Variants in EXT2 observed in about 807,000 individuals in gnomAD.
EXT2 encodes the protein exostosin-2.
In EXT2, 53 loss-of-function variants were observed where a neutral mutation model predicts 81.6. The ratio of observed to expected loss-of-function variants is 0.65; its 90% CI spans 0.52 to 0.82. EXT2 has a LOEUF of 0.82. Ranked by LOEUF, EXT2 falls within the 40% of genes least tolerant of loss-of-function variation. The pLI, the probability that EXT2 is intolerant of heterozygous loss-of-function variation, is 0.00. For missense variants in EXT2, 774 were observed against 910.2 expected (o/e 0.85, Z 1.93); for synonymous variants, 320 against 340.0 (o/e 0.94, Z 0.65).
chr11:44,172,265 G>C (rs1383820996), intron 8 of EXT2, among the ~76,000 whole-genome samples: 3 of 152,204 alleles, frequency 2.0e-5, no homozygotes, highest in Non-Finnish European at 2.9e-5. Context: ...GAGGCTTCTA[G>C]CTACTTCCAG....
At chr11:44,118,229 C>T (rs932402916) in intron 4 of EXT2, among the ~76,000 whole-genome samples, 3 of 152,010 alleles carry the variant, frequency 2.0e-5, no homozygotes, top group Non-Finnish European at 2.9e-5. Context: ...GAGTTAATTA[C>T]GGGTTTGCTG....
intron 10 of EXT2, among the ~76,000 whole-genome samples, chr11:44,218,793 C>CTTTTTTTTT (rs11368525): frequency 5.4e-5 from 5 of 92,294 alleles, no homozygotes; most frequent in Non-Finnish European, 7.7e-5. Flanking sequence ...ATCTGCAATT[C>CTTTTTTTTT]TTTTTTTTTT....
At chr11:44,163,726 G>A (rs557255827) in intron 7 of EXT2, among the ~76,000 whole-genome samples, 6 of 152,222 alleles carry the variant, frequency 3.9e-5, no homozygotes, top group Admixed American at 2.0e-4. Flanking sequence ...CCTGTAGCTC[G>A]GATCTCTTGA....
chr11:44,102,988 G>T (rs1420729927), intron 1 of EXT2, among the ~76,000 whole-genome samples: 1 of 151,992 alleles, frequency 6.6e-6, no homozygotes, highest in Non-Finnish European at 1.5e-5. Flanking sequence ...CTTCAGGCTT[G>T]CAGCTTGTCT....
intron 7 of EXT2, among the ~76,000 whole-genome samples, chr11:44,141,048 C>T (rs1472023339): frequency 6.6e-6 from 1 of 152,140 alleles, no homozygotes; most frequent in African/African-American, 2.4e-5. Context: ...GGGAAGAGTA[C>T]AGTCATCCCT....
At chr11:44,101,736 C>T (rs1953985379) in intron 1 of EXT2, among the ~76,000 whole-genome samples, 1 of 152,056 alleles carries the variant, frequency 6.6e-6, no homozygotes, top group South Asian at 2.1e-4. Context: ...AACTAGGTTC[C>T]CAAGTATCAA....
At chr11:44,156,368 C>T (rs568196810) in intron 7 of EXT2, among the ~76,000 whole-genome samples, 19 of 152,242 alleles carry the variant, frequency 1.2e-4, no homozygotes, top group South Asian at 4.2e-4. Context: ...CTCTTAGATT[C>T]GCCCTTTTGA....
Position 44,249,452 on chromosome 11 carries a change from G to A in EXT2, c.*5165G>A, listed in dbSNP as rs1277944286. On this transcript the variant is annotated 3_prime_UTR_variant, in exon 14 of 14. Transcript: ENST00000533608. Reference sequence around the variant, plus strand: ...GCTGTGTCTGCTAGAGGCTTCCTCAGCAAAGCCCCATCTTGTGGACAACCT... The same window carrying A: ...GCTGTGTCTGCTAGAGGCTTCCTCAACAAAGCCCCATCTTGTGGACAACCT... Among the ~76,000 whole-genome samples, 1 of 152,224 alleles carries A rather than the reference G, an allele frequency of 6.6e-6. No individual in the cohort carries two copies. Among genetic ancestry groups the A allele is most frequent in the Admixed American group, 6.5e-5 (1 of 15,286 alleles).
chr11:44,195,988 T>C (rs575078454), intron 8 of EXT2, among the ~76,000 whole-genome samples: 2 of 152,324 alleles, frequency 1.3e-5, no homozygotes, highest in East Asian at 3.9e-4. Context: ...TTGTATGGTA[T>C]ATGAATCATA....
chr11:44,205,313 A>G (rs1955569452), intron 9 of EXT2, among the ~76,000 whole-genome samples: 1 of 152,232 alleles, frequency 6.6e-6, no homozygotes. Context: ...GGACTTGCTT[A>G]AGATCCCATA....
At chr11:44,195,416 G>A (rs980490233) in intron 8 of EXT2, among the ~76,000 whole-genome samples, 9 of 138,616 alleles carry the variant, frequency 6.5e-5, no homozygotes, top group Admixed American at 5.8e-4. Context: ...CCTGGGCAAC[G>A]AGTGAAACTC....
intron 10 of EXT2, among the ~76,000 whole-genome samples, chr11:44,208,998 G>A (rs930231444): frequency 6.6e-6 from 1 of 152,142 alleles, no homozygotes; most frequent in African/African-American, 2.4e-5. Context: ...CCCTACCATT[G>A]GTGCTTTAGG....
chr11:44,169,385 G>C (rs1174116935), intron 7 of EXT2, among the ~76,000 whole-genome samples: 2 of 151,990 alleles, frequency 1.3e-5, no homozygotes, highest in Admixed American at 6.6e-5. Flanking sequence ...ATAAAGCAAT[G>C]ATGTTTACTG....
chr11:44,193,579 A>G (rs1055315750), intron 8 of EXT2, among the ~76,000 whole-genome samples: 2 of 152,206 alleles, frequency 1.3e-5, no homozygotes, highest in Non-Finnish European at 2.9e-5. Flanking sequence ...TGTGATTCCA[A>G]AACTGACTTC....
chr11:44,217,578 CTGTT>C (rs1955734798), intron 10 of EXT2, among the ~76,000 whole-genome samples: 1 of 152,126 alleles, frequency 6.6e-6, no homozygotes, highest in South Asian at 2.1e-4. Flanking sequence ...ATTTATTTAT[CTGTT>C]TATGTATTTT....
intron 4 of EXT2, among the ~76,000 whole-genome samples, chr11:44,119,169 T>TATATATATATACACAC (rs1192115471): frequency 4.8e-5 from 3 of 63,146 alleles, no homozygotes; most frequent in African/African-American, 1.8e-4. Context: ...TATATATATA[T>TATATATATATACACAC]ACACATACAC....
At chr11:44,233,133 A>T (rs548910940) in intron 11 of EXT2, among the ~76,000 whole-genome samples, 2 of 152,294 alleles carry the variant, frequency 1.3e-5, no homozygotes, top group East Asian at 3.9e-4. Context: ...GTATGTACAT[A>T]CATGTATATA....
intron 8 of EXT2, among the ~76,000 whole-genome samples, chr11:44,192,638 A>C (rs1040112208): frequency 3.3e-5 from 5 of 152,220 alleles, no homozygotes; most frequent in African/African-American, 1.2e-4. Flanking sequence ...CCCTCTGCTA[A>C]ATGTTTATGT....
Position 44,164,934 on chromosome 11 carries a change from A to G in EXT2, c.1174-6677A>G, listed in dbSNP as rs1954973617. On this transcript the variant is annotated intron_variant, in intron 7 of 13. Transcript: ENST00000533608. Reference sequence around the variant, plus strand: ...CGCTCTGTCGCCCAGGCTGGAGTGCAGTGGCGGGATCTCGGCTCACTGCAA... The same window carrying G: ...CGCTCTGTCGCCCAGGCTGGAGTGCGGTGGCGGGATCTCGGCTCACTGCAA... Among the ~76,000 whole-genome samples, 4 of 144,104 alleles carry G rather than the reference A, an allele frequency of 2.8e-5. No individual in the cohort carries two copies. In the South Asian group the frequency reaches 8.7e-4, roughly 31 times the overall value. 94.5% of individuals were successfully genotyped at this position (144,104 alleles called of 152,430 possible).
Sources: gnomAD v4.1 joint callset for allele counts (sites outside exome capture counted in the v4.1 genomes callset) on GRCh38, gnomAD v4.1.1 for gene constraint, MANE v1.5 for transcripts, NCBI Gene and HGNC (gene_info 2026-07-23, HGNC 2026-07-21) for gene names.